NELL2: variants seen among roughly 807,000 people sequenced by gnomAD.
NELL2 encodes protein kinase C-binding protein NELL2.
In NELL2, 41 loss-of-function variants were observed where a neutral mutation model predicts 109.6. That is an observed-to-expected ratio of 0.37 (90% CI 0.29 to 0.49). The LOEUF is 0.49. Ranked by LOEUF, NELL2 falls within the 20% of genes least tolerant of loss-of-function variation. The probability of loss-of-function intolerance (pLI) is 0.98; values close to 1 mark genes in which losing one functional copy is unlikely to be tolerated. For synonymous variants in NELL2, 355 were observed against 344.7 expected, an observed-to-expected ratio of 1.03 and a Z score of -0.33; for missense variants, 900 against 1,008.3, an observed-to-expected ratio of 0.89 and a Z score of 1.45.
chr12:44,535,071 G>T, intron 15 of NELL2, among the ~76,000 whole-genome samples: 1 of 151,946 alleles, frequency 6.6e-6, no homozygotes. Context: ...ACTCCATAAA[G>T]TTTAATAGAA....
intron 3 of NELL2, among the ~76,000 whole-genome samples, chr12:44,787,372 A>C (rs1362336882): frequency 6.6e-6 from 1 of 152,200 alleles, no homozygotes; most frequent in Non-Finnish European, 1.5e-5. Flanking sequence ...GTTTAATATA[A>C]TTCCTATAAA....
At chr12:44,587,934 G>A (rs1372065929) in intron 15 of NELL2, among the ~76,000 whole-genome samples, 1 of 151,142 alleles carries the variant, frequency 6.6e-6, no homozygotes. Flanking sequence ...GGCGGATCAC[G>A]AGGTCAGGAG....
At chr12:44,648,083 C>T (rs1021022237) in intron 13 of NELL2, among the ~76,000 whole-genome samples, 1 of 152,060 alleles carries the variant, frequency 6.6e-6, no homozygotes. Context: ...GAGGGGGCTC[C>T]ACTGTGTGGA....
At chr12:44,523,163 T>C (rs1941614368) in intron 17 of NELL2, 128 bp downstream of exon 17, 2 of 916,282 alleles carry the variant, frequency 2.2e-6, no homozygotes, top group African/African-American at 3.3e-5. Flanking sequence ...AAGTGTTCTG[T>C]TATATTAATT....
chr12:44,713,282 T>G (rs1938319389), intron 10 of NELL2, among the ~76,000 whole-genome samples: 1 of 151,030 alleles, frequency 6.6e-6, no homozygotes, highest in African/African-American at 2.4e-5. Context: ...AAACTTTAAA[T>G]GCTCTCAAGA....
chr12:44,887,394 T>C (rs185601092), intron 1 of NELL2, among the ~76,000 whole-genome samples: 8 of 152,138 alleles, frequency 5.3e-5, no homozygotes, highest in Admixed American at 1.3e-4. Context: ...ACCAAGAGTA[T>C]ACAAGGGTTC....
intron 12 of NELL2, among the ~76,000 whole-genome samples, chr12:44,684,096 G>T (rs189242352): frequency 0.058 from 8,780 of 152,184 alleles, 834 homozygotes; most frequent in African/African-American, 0.2. Flanking sequence ...CAATTTCAGA[G>T]CCTGTTATTG....
At chr12:44,609,535 A>G (rs1945532002) in intron 14 of NELL2, among the ~76,000 whole-genome samples, 1 of 152,068 alleles carries the variant, frequency 6.6e-6, no homozygotes. Context: ...ATCAAAAGCA[A>G]AACTGTGGGT....
intron 15 of NELL2, among the ~76,000 whole-genome samples, chr12:44,570,171 A>G (rs1943809901): frequency 6.6e-6 from 1 of 152,218 alleles, no homozygotes; most frequent in South Asian, 2.1e-4. Flanking sequence ...TTCTTCAAGT[A>G]TGTAATTTTC....
upstream of NELL2, among the ~76,000 whole-genome samples, chr12:44,914,895 G>T (rs7311341): frequency 6.6e-6 from 1 of 151,566 alleles, no homozygotes; most frequent in Non-Finnish European, 1.5e-5. Flanking sequence ...TGTCGCCCAG[G>T]CTGGAGTGCA....
At chr12:44,803,436 G>A (rs1377401852) in intron 3 of NELL2, among the ~76,000 whole-genome samples, 3 of 152,114 alleles carry the variant, frequency 2.0e-5, no homozygotes, top group Middle Eastern at 3.4e-3. Flanking sequence ...ATACACTAGA[G>A]TATTTAAAGG....
intron 9 of NELL2, among the ~76,000 whole-genome samples, chr12:44,744,107 A>G (rs1198254663): frequency 6.6e-6 from 1 of 152,214 alleles, no homozygotes; most frequent in Non-Finnish European, 1.5e-5. Flanking sequence ...TGTCTCTCAG[A>G]CCACAGTGCA....
chr12:44,553,962 A>G (rs531887628), intron 15 of NELL2, among the ~76,000 whole-genome samples: 1 of 152,302 alleles, frequency 6.6e-6, no homozygotes, highest in Admixed American at 6.5e-5. Flanking sequence ...AAGCGCAAAT[A>G]TTTTAGGGCT....
upstream of NELL2, among the ~76,000 whole-genome samples, chr12:44,916,472 G>A (rs1295519196): frequency 6.6e-6 from 1 of 152,064 alleles, no homozygotes; most frequent in Admixed American, 6.6e-5. Context: ...TGACAATAAG[G>A]AAGCAAGAGA....
At chr12:44,573,342 A>G (rs1943944074) in intron 15 of NELL2, among the ~76,000 whole-genome samples, 3 of 152,240 alleles carry the variant, frequency 2.0e-5, no homozygotes, top group Admixed American at 2.0e-4. Context: ...AATGAATGGA[A>G]TTGATGACTG....
At position 44,780,040 on chromosome 12, in the gene NELL2, A is replaced by T; in HGVS notation, c.336-18T>A. 6.2e-7 allele frequency: 1 copy of T among 1,608,550 alleles called. No individual in the cohort carries two copies. Among genetic ancestry groups the T allele is most frequent in the Admixed American group, 1.7e-5 (1 of 58,944 alleles). On this transcript the variant is annotated intron_variant, in intron 3 of 19. Coordinates refer to ENST00000429094, the MANE Select transcript of NELL2 (RefSeq NM_001145108.2). ...CCAGGTACCTGCAGAGAGAAGAGCC[A>T]CATGGGACACATTAAAAATAAAGTT... is the stretch of plus-strand genomic sequence containing the variant.
At chr12:44,866,435 G>T (rs80116046) in intron 2 of NELL2, among the ~76,000 whole-genome samples, 3,145 of 152,228 alleles carry the variant, frequency 0.021, 113 homozygotes, top group East Asian at 0.18. Context: ...TGAAACACAT[G>T]AGAATGGACA....
At chr12:44,839,054 C>T (rs1944140918) in intron 2 of NELL2, among the ~76,000 whole-genome samples, 2 of 152,104 alleles carry the variant, frequency 1.3e-5, no homozygotes, top group Admixed American at 6.6e-5. Context: ...TGTGCAACTC[C>T]CACACCTCCC....
upstream of NELL2, among the ~76,000 whole-genome samples, chr12:44,917,434 T>C (rs1945836865): frequency 6.6e-6 from 1 of 152,030 alleles, no homozygotes; most frequent in Non-Finnish European, 1.5e-5. Context: ...TAATGGAGAG[T>C]TGAAGGAGTT....
Sources: gnomAD v4.1 joint callset for allele counts (sites outside exome capture counted in the v4.1 genomes callset) on GRCh38, gnomAD v4.1.1 for gene constraint, MANE v1.5 for transcripts, NCBI Gene and HGNC (gene_info 2026-07-23, HGNC 2026-07-21) for gene names.